Variants in FAM135B observed in about 807,000 individuals in gnomAD.
The protein encoded by FAM135B is protein FAM135B.
FAM135B carries 43 observed loss-of-function variants against 127.7 expected under a neutral mutation model. That is an observed-to-expected ratio of 0.34 (90% CI 0.26 to 0.43). FAM135B has a LOEUF of 0.43. Ranked by LOEUF, FAM135B falls within the 20% of genes least tolerant of loss-of-function variation. The probability of loss-of-function intolerance (pLI) is 1.00; values close to 1 mark genes in which losing one functional copy is unlikely to be tolerated. For missense variants in FAM135B, 1,558 were observed against 1,725.6 expected (o/e 0.90, Z 1.72); for synonymous variants, 670 against 665.1 (o/e 1.01, Z -0.11).
intron 1 of FAM135B, among the ~76,000 whole-genome samples, chr8:138,416,385 GT>G (rs1834154652): frequency 6.6e-6 from 1 of 152,118 alleles, no homozygotes; most frequent in Non-Finnish European, 1.5e-5. Flanking sequence ...CATAAGACCT[GT>G]TGTTTTGCAC....
In FAM135B at chr8:138,250,882, G is replaced by T. The variant is rs749753235; in HGVS notation, c.501C>A (p.Thr167=). The T allele has an allele frequency of 6.2e-7, 1 of 1,613,956 alleles. No individual in the cohort carries two copies. The highest frequency in any genetic ancestry group is 8.5e-7 in the Non-Finnish European group (1 of 1,179,988). Residue 167 remains threonine, a synonymous_variant, in exon 6 of 20, where the codon ACC becomes ACA. Transcript: ENST00000395297. The part of the protein sequence containing the change: ...DYFHLSVISV[T]VHAALVALQQ... ...GCAGAGCCACCAGGGCAGCATGGAC[G>T]GTCACCGAGATCACAGACAGGTGGA...
At chr8:138,448,444 G>A (rs1278164609) in intron 1 of FAM135B, among the ~76,000 whole-genome samples, 1 of 152,150 alleles carries the variant, frequency 6.6e-6, no homozygotes, top group Non-Finnish European at 1.5e-5. Flanking sequence ...CCTTGGTTCA[G>A]CTCACCAGAT....
At chr8:138,457,974 C>CAAA (rs530760937) in intron 1 of FAM135B, among the ~76,000 whole-genome samples, 1 of 76,988 alleles carries the variant, frequency 1.3e-5, no homozygotes, top group Non-Finnish European at 3.0e-5. Flanking sequence ...GACTCCATCT[C>CAAA]AAAAAAAAAA....
At position 138,141,321 on chromosome 8, in the gene FAM135B, T is replaced by C. The variant is rs1159037473; in HGVS notation, c.3667A>G (p.Ile1223Val). Residue 1223 changes from isoleucine (I) to valine (V), a missense_variant, in exon 17 of 20, where the codon ATC becomes GTC. Transcript: ENST00000395297. This position sits in a 1 kb window ranked among gnomAD's most constrained non-coding sequence, Gnocchi z 4.7. ...GGCCGTGTGAGGACCGATCGGATGA[T>C]GATGTTGCCAAGAGAATGGCCAATG... The part of the protein sequence containing the change: ...SFIGHSLGNI[I>V]IRSVLTRPRF... The C allele has an allele frequency of 6.2e-7, 1 of 1,613,908 alleles. No homozygotes were observed. Among genetic ancestry groups the C allele is most frequent in the Non-Finnish European group, 8.5e-7 (1 of 1,180,016 alleles).
intron 1 of FAM135B, among the ~76,000 whole-genome samples, chr8:138,418,884 C>CAAA (rs761615203): frequency 1.5e-4 from 18 of 116,324 alleles, no homozygotes; most frequent in South Asian, 2.8e-4. Context: ...TCACCAACCA[C>CAAA]AAAAAAAAAA....
chr8:138,310,809 G>A (rs2130892099), intron 3 of FAM135B, 32 bp downstream of exon 3: 1 of 1,605,998 alleles, frequency 6.2e-7, no homozygotes, highest in East Asian at 2.2e-5. Context: ...CGCCATTGGG[G>A]GCAAGTGCCC....
chr8:138,419,351 C>T (rs1038985525), intron 1 of FAM135B, among the ~76,000 whole-genome samples: 38 of 152,044 alleles, frequency 2.5e-4, no homozygotes, highest in Non-Finnish European at 4.4e-5. Flanking sequence ...GCACCAGACT[C>T]ATAAAAAAAG....
At chr8:138,143,230 G>A in intron 15 of FAM135B, 121 bp from the exon 16 acceptor site, 1 of 626,754 alleles carries the variant, frequency 1.6e-6, no homozygotes, top group Non-Finnish European at 2.9e-6. Flanking sequence ...TACCTCTGAT[G>A]TTACGGCTAC....
At chr8:138,433,996 C>G (rs1444376287) in intron 1 of FAM135B, among the ~76,000 whole-genome samples, 1 of 152,202 alleles carries the variant, frequency 6.6e-6, no homozygotes, top group Admixed American at 6.5e-5. Context: ...GGAAAACAAG[C>G]ATTTCTGCTT....
chr8:138,491,600 T>TCCAC (rs1477259707), intron 1 of FAM135B, among the ~76,000 whole-genome samples: 3 of 151,640 alleles, frequency 2.0e-5, no homozygotes, highest in African/African-American at 7.3e-5. Flanking sequence ...CAATCCTACG[T>TCCAC]TCACTCATTC....
In FAM135B at chr8:138,408,811, C is replaced by T. The variant is rs183852019; in HGVS notation, c.-19-40809G>A. On this transcript the variant is annotated intron_variant, in intron 1 of 19. Transcript: ENST00000395297. ...GGAAATCACCCCCATGATCCAGTTA[C>T]CTCTCACCAGGTCCCTCTCTTGACA... Among the ~76,000 whole-genome samples, 152 of 152,220 alleles carry T rather than the reference C, an allele frequency of 1.0e-3. 1 individual carries two copies. The highest frequency in any genetic ancestry group is 3.4e-3 in the Middle Eastern group (1 of 294).
intron 1 of FAM135B, among the ~76,000 whole-genome samples, chr8:138,402,585 T>C (rs974368197): frequency 6.6e-6 from 1 of 152,120 alleles, no homozygotes; most frequent in Non-Finnish European, 1.5e-5. Context: ...GAGAAGTAGG[T>C]GCTCCCTGTT....
At chr8:138,254,055 G>A (rs537053653) in intron 5 of FAM135B, among the ~76,000 whole-genome samples, 2 of 152,266 alleles carry the variant, frequency 1.3e-5, no homozygotes, top group South Asian at 4.1e-4. Context: ...CTTCCAACTA[G>A]GAAGCCATAA....
At chr8:138,375,923 G>C (rs1831440694) in intron 1 of FAM135B, among the ~76,000 whole-genome samples, 1 of 152,158 alleles carries the variant, frequency 6.6e-6, no homozygotes, top group South Asian at 2.1e-4. Context: ...AATTGTGGAA[G>C]ACTGTCGTCA....
intron 1 of FAM135B, among the ~76,000 whole-genome samples, chr8:138,458,096 G>A (rs1296775791): frequency 6.6e-6 from 1 of 152,136 alleles, no homozygotes; most frequent in African/African-American, 2.4e-5. Flanking sequence ...AGGTTGCCGT[G>A]AGCTGAGATC....
intron 1 of FAM135B, among the ~76,000 whole-genome samples, chr8:138,482,390 T>G (rs576773689): frequency 6.6e-6 from 1 of 152,296 alleles, no homozygotes; most frequent in East Asian, 1.9e-4. Context: ...CTACCAGGGT[T>G]GACTTTATGA....
At chr8:138,409,627 G>A (rs1833737158) in intron 1 of FAM135B, among the ~76,000 whole-genome samples, 1 of 152,120 alleles carries the variant, frequency 6.6e-6, no homozygotes, top group Non-Finnish European at 1.5e-5. Context: ...TGTAATCCCA[G>A]CACTTTGGGA....
chr8:138,394,877 G>A (rs998398957), intron 1 of FAM135B, among the ~76,000 whole-genome samples: 4 of 152,166 alleles, frequency 2.6e-5, no homozygotes, highest in East Asian at 1.9e-4. Context: ...CTGGGTACAC[G>A]TAAGGAAGCA....
At chr8:138,337,099 G>C (rs1319767189) in intron 2 of FAM135B, among the ~76,000 whole-genome samples, 1 of 152,068 alleles carries the variant, frequency 6.6e-6, no homozygotes, top group Non-Finnish European at 1.5e-5. Flanking sequence ...GTATTGATGG[G>C]ACGTATCTCA....
Sources: allele counts gnomAD v4.1 joint callset (sites outside exome capture counted in the v4.1 genomes callset), GRCh38; gene constraint gnomAD v4.1.1; non-coding constraint Gnocchi (gnomAD v3.1); transcripts MANE v1.5; gene names NCBI Gene and HGNC (gene_info 2026-07-23, HGNC 2026-07-21).